MYRFL: variants seen among roughly 807,000 people sequenced by gnomAD.
MYRFL encodes myelin regulatory factor like.
MYRFL carries 88 observed loss-of-function variants against 109.4 expected under a neutral mutation model. The ratio of observed to expected loss-of-function variants is 0.80; its 90% CI spans 0.68 to 0.96. The LOEUF (loss-of-function observed/expected upper bound fraction) is 0.96, where lower values mean the gene tolerates loss of function less well. Ranked by LOEUF, MYRFL falls within the 40% of genes least tolerant of loss-of-function variation. The pLI, the probability that MYRFL is intolerant of heterozygous loss-of-function variation, is 0.00. For synonymous variants in MYRFL, 324 were observed against 320.9 expected (o/e 1.01, Z -0.10); for missense variants, 957 against 954.9 (o/e 1.00, Z -0.03).
intron 1 of MYRFL, among the ~76,000 whole-genome samples, chr12:69,837,981 A>G (rs975482608): frequency 2.0e-5 from 3 of 152,186 alleles, no homozygotes; most frequent in African/African-American, 7.2e-5. Context: ...GAGTCAATAA[A>G]TAAAAAACTC....
intron 19 of MYRFL, among the ~76,000 whole-genome samples, chr12:69,939,869 C>A (rs566774540): frequency 4.6e-5 from 7 of 152,194 alleles, no homozygotes; most frequent in African/African-American, 1.7e-4. Flanking sequence ...GAGCTGAAAA[C>A]CAAGGTTCGA....
intron 6 of MYRFL, among the ~76,000 whole-genome samples, chr12:69,889,357 CT>C (rs1038707738): frequency 6.6e-6 from 1 of 152,036 alleles, no homozygotes; most frequent in African/African-American, 2.4e-5. Flanking sequence ...AATATGTTTT[CT>C]TTTTATTAAC....
At chr12:69,935,751 TCTGA>T (rs1566037701) in intron 16 of MYRFL, among the ~76,000 whole-genome samples, 2 of 152,170 alleles carry the variant, frequency 1.3e-5, no homozygotes, top group African/African-American at 2.4e-5. Context: ...CAAACTGTGC[TCTGA>T]CTCTTTCCTG....
intron 13 of MYRFL, among the ~76,000 whole-genome samples, chr12:69,918,513 G>A (rs1954816679): frequency 6.6e-6 from 1 of 152,124 alleles, no homozygotes; most frequent in African/African-American, 2.4e-5. Flanking sequence ...AAGGAGTGGG[G>A]TGCAGGATAC....
intron 1 of MYRFL, among the ~76,000 whole-genome samples, chr12:69,831,027 G>T (rs1565957589): frequency 6.6e-6 from 1 of 152,172 alleles, no homozygotes; most frequent in Non-Finnish European, 1.5e-5. Context: ...TAACCTAAAA[G>T]AAGAAGATCA....
intron 6 of MYRFL, among the ~76,000 whole-genome samples, chr12:69,889,362 T>C (rs1397725677): frequency 6.6e-6 from 1 of 152,188 alleles, no homozygotes. Flanking sequence ...GTTTTCTTTT[T>C]ATTAACATTT....
At chr12:69,888,708 A>G in intron 6 of MYRFL, among the ~76,000 whole-genome samples, 1 of 152,148 alleles carries the variant, frequency 6.6e-6, no homozygotes, top group South Asian at 2.1e-4. Context: ...TTTTTTCTTC[A>G]GAGTTTTTGA....
At chr12:69,827,677 GATTT>G (rs1215513019) in intron 1 of MYRFL, among the ~76,000 whole-genome samples, 1 of 151,974 alleles carries the variant, frequency 6.6e-6, no homozygotes, top group Non-Finnish European at 1.5e-5. Flanking sequence ...AATAGTGGTG[GATTT>G]ATTAATTATG....
At chr12:69,833,429 A>C (rs1882754210) in intron 1 of MYRFL, among the ~76,000 whole-genome samples, 1 of 152,244 alleles carries the variant, frequency 6.6e-6, no homozygotes, top group Admixed American at 6.5e-5. Flanking sequence ...GCAGTGGGGA[A>C]GGATGTCCAG....
intron 2 of MYRFL, 37 bp downstream of exon 2, chr12:69,855,407 A>T (rs1299876226): frequency 1.4e-6 from 1 of 699,836 alleles, no homozygotes; most frequent in Non-Finnish European, 2.6e-6. Flanking sequence ...GTTGATGTTT[A>T]AAATATTATG....
intron 10 of MYRFL, among the ~76,000 whole-genome samples, chr12:69,900,424 C>T (rs928834585): frequency 6.6e-6 from 1 of 152,150 alleles, no homozygotes; most frequent in Non-Finnish European, 1.5e-5. Context: ...AGAAGTAGTT[C>T]TCAAGCTTGT....
chr12:69,900,178 A>G (rs1473347163), intron 10 of MYRFL, among the ~76,000 whole-genome samples: 1 of 152,210 alleles, frequency 6.6e-6, no homozygotes, highest in Non-Finnish European at 1.5e-5. Flanking sequence ...TGCTCTGCAA[A>G]TCACAGTGCG....
At chr12:69,939,527 C>CA (rs1955576726) in intron 19 of MYRFL, among the ~76,000 whole-genome samples, 1 of 152,002 alleles carries the variant, frequency 6.6e-6, no homozygotes, top group Non-Finnish European at 1.5e-5. Context: ...ACATCCACAC[C>CA]AAAAACCCAT....
At chr12:69,829,254 C>T (rs765687325) in intron 1 of MYRFL, among the ~76,000 whole-genome samples, 6 of 152,058 alleles carry the variant, frequency 3.9e-5, no homozygotes, top group Non-Finnish European at 8.8e-5. Flanking sequence ...GCCCCTGTCT[C>T]GCTGCTTAAG....
In MYRFL at chr12:69,897,241, G is replaced by A. The variant is rs1369453981; in HGVS notation, c.1177G>A (p.Val393Ile). The A allele has an allele frequency of 6.5e-7, 1 of 1,535,498 alleles. No individual in the cohort carries two copies. Among genetic ancestry groups the A allele is most frequent in the South Asian group, 1.2e-5 (1 of 84,056 alleles). Residue 393 changes from valine (V) to isoleucine (I), a missense_variant, in exon 10 of 25, where the codon GTA becomes ATA. Coordinates refer to ENST00000552032, the MANE Select transcript of MYRFL (RefSeq NM_182530.3). ...LSAHISERII[V>I]RASNPGQFEN... ...TGCCCACATCTCTGAAAGGATCATTGTAAGGGTAAGCTCAGTTCTCTGACT... is the reference window on the plus strand; with the variant it reads ...TGCCCACATCTCTGAAAGGATCATTATAAGGGTAAGCTCAGTTCTCTGACT...
chr12:69,920,665 T>C (rs984865768), intron 13 of MYRFL, among the ~76,000 whole-genome samples: 3 of 152,130 alleles, frequency 2.0e-5, no homozygotes, highest in African/African-American at 4.8e-5. Flanking sequence ...ATGTGCTAGA[T>C]CCAGAGGCTA....
At chr12:69,833,363 G>A (rs1882749449) in intron 1 of MYRFL, among the ~76,000 whole-genome samples, 1 of 152,112 alleles carries the variant, frequency 6.6e-6, no homozygotes, top group Non-Finnish European at 1.5e-5. Context: ...CAAGACAATT[G>A]CCTATAGAAT....
intron 13 of MYRFL, among the ~76,000 whole-genome samples, chr12:69,917,252 G>A (rs1284060017): frequency 1.3e-5 from 2 of 152,084 alleles, no homozygotes; most frequent in Non-Finnish European, 2.9e-5. Flanking sequence ...TTTAAAAAGG[G>A]GCCTCCTCTG....
At position 69,897,298 on chromosome 12, in the gene MYRFL, A is replaced by C. The variant is rs1311458226; in HGVS notation, c.1182+52A>C. 10 of 1,325,250 alleles carry C rather than the reference A, an allele frequency of 7.5e-6. No homozygotes were observed. The Admixed American group carries it at 2.0e-4, about 26-fold the overall frequency. 82.1% of individuals were successfully genotyped at this position (1,325,250 alleles called of 1,614,324 possible). On this transcript the variant is annotated intron_variant, in intron 10 of 24. Transcript: ENST00000552032. ...GATCTCACATGCTTTCCTCCTATGT[A>C]GGCAGAATTTGAATTTTCAATGGTG... is the stretch of plus-strand genomic sequence containing the variant.
Sources: gnomAD v4.1 joint callset for allele counts (sites outside exome capture counted in the v4.1 genomes callset) on GRCh38, gnomAD v4.1.1 for gene constraint, MANE v1.5 for transcripts, NCBI Gene and HGNC (gene_info 2026-07-23, HGNC 2026-07-21) for gene names.